Variants in HEG1 observed in about 807,000 individuals in gnomAD.
HEG1 encodes heart development protein with EGF like domains 1.
A neutral mutation model predicts 125.6 loss-of-function variants in HEG1; 56 were observed. The ratio of observed to expected loss-of-function variants is 0.45; its 90% confidence interval spans 0.36 to 0.56. HEG1 has a LOEUF of 0.56. Among genes scored for constraint, HEG1 ranks in the 20% least tolerant of loss-of-function variants. The probability of loss-of-function intolerance (pLI) is 0.00; values close to 1 mark genes in which losing one functional copy is unlikely to be tolerated. For synonymous variants in HEG1, 644 were observed against 668.5 expected (o/e 0.96, Z 0.57); for missense variants, 1,523 against 1,670.0 (o/e 0.91, Z 1.53).
rs1375078710 is a variant in HEG1 at position 124,968,368 on chromosome 3, CT to C, written c.*2283del. On this transcript the variant is annotated 3_prime_UTR_variant, in exon 17 of 17. Transcript: ENST00000311127. ...CCCACCCCCAAACGCCTCCTGGAAA[CT>C]GTGGAGACTGTGTGACCTCAACCTT... 2 of 152,404 alleles carry C rather than the reference CT, an allele frequency of 1.3e-5. No homozygotes were observed. The highest frequency in any genetic ancestry group is 4.8e-5 in the African/African-American group (2 of 41,446). 9.4% of individuals were successfully genotyped at this position (152,404 alleles called of 1,614,324 possible). A position where few individuals can be genotyped will look rare whatever the true frequency, so the allele number is the denominator to read the frequency against.
rs190323303 is a variant in HEG1 at position 124,970,057 on chromosome 3, A to G, written c.*595T>C. On this transcript the variant is annotated 3_prime_UTR_variant, in exon 17 of 17. Coordinates refer to ENST00000311127, the MANE Select transcript of HEG1 (RefSeq NM_020733.2). ...TGGGGGCTGGCTTGGAAACTGTAGC[A>G]TAAGACAACCTAGAAACATATGAAA... The G allele has an allele frequency of 6.6e-6, 1 of 152,514 alleles. No homozygotes were observed. The highest frequency in any genetic ancestry group is 1.9e-4 in the East Asian group (1 of 5,190). The allele number at this position is 152,514 out of a possible 1,614,324, so 9.4% of individuals were successfully genotyped here.
chr3:124,973,818 G>A lies in HEG1; in HGVS notation c.3909C>T (p.Arg1303=). The A allele has an allele frequency of 1.9e-6, 3 of 1,613,678 alleles. No individual in the cohort carries two copies. The East Asian group carries it at 6.7e-5, about 36-fold the overall frequency. Residue 1303 remains arginine, a synonymous_variant, in exon 16 of 17, where the codon CGC becomes CGT. Transcript: ENST00000311127. The part of the protein sequence containing the change: ...SPYAEYPKNP[R]SQEWGREAIE... ...TAGCTTCTCGGCCCCATTCTTGTGAGCGAGGATTTTTGGGGTATTCAGCAT... is the reference window on the plus strand; with the variant it reads ...TAGCTTCTCGGCCCCATTCTTGTGAACGAGGATTTTTGGGGTATTCAGCAT...
chr3:125,006,922 G>A (rs749575050), intron 8 of HEG1, among the ~76,000 whole-genome samples: 7 of 152,100 alleles, frequency 4.6e-5, no homozygotes, highest in African/African-American at 4.8e-5. Flanking sequence ...ATCGCAGGCC[G>A]GGCGCGGTGG....
In HEG1 at chr3:125,013,372, GTTT is replaced by G; in HGVS notation, c.2204_2206del (p.Gln735_Thr736delinsPro). The G allele has an allele frequency of 6.2e-7, 1 of 1,614,010 alleles. No homozygotes were observed. Among genetic ancestry groups the G allele is most frequent in the South Asian group, 1.1e-5 (1 of 91,086 alleles). ...GGTAGAAGATGACTGTGGCAAGGTTGTTTGTGAGACAGAAAGTGGGGCAGATGT... is the reference window on the plus strand; with the variant it reads ...GGTAGAAGATGACTGTGGCAAGGTTGGTGAGACAGAAAGTGGGGCAGATGT... On this transcript the variant is annotated inframe_deletion, in exon 6 of 17. Transcript: ENST00000311127.
At chr3:125,028,579 T>C (rs1418446911) in intron 2 of HEG1, among the ~76,000 whole-genome samples, 1 of 152,072 alleles carries the variant, frequency 6.6e-6, no homozygotes, top group African/African-American at 2.4e-5. Flanking sequence ...CTGTTAACTG[T>C]TTGACCTACA....
intron 8 of HEG1, among the ~76,000 whole-genome samples, chr3:125,009,163 G>A (rs1273635118): frequency 6.6e-6 from 1 of 152,228 alleles, no homozygotes; most frequent in Admixed American, 6.5e-5. Context: ...AGTTAGGACA[G>A]CAGCTTTCTC....
intron 1 of HEG1, among the ~76,000 whole-genome samples, chr3:125,041,029 C>A (rs1473726843): frequency 6.6e-6 from 1 of 152,144 alleles, no homozygotes; most frequent in East Asian, 1.9e-4. Context: ...AGTCACCTGC[C>A]CAGGTTAACC....
At chr3:124,978,043 C>T (rs1936577639) in intron 14 of HEG1, 97 bp from the exon 15 acceptor site, 2 of 896,692 alleles carry the variant, frequency 2.2e-6, no homozygotes, top group Admixed American at 4.3e-5. Context: ...CAGTCACCAC[C>T]CTGCCTTGAG....
chr3:125,000,309 A>G (rs774164118), intron 11 of HEG1, among the ~76,000 whole-genome samples: 12 of 152,182 alleles, frequency 7.9e-5, no homozygotes, highest in African/African-American at 2.7e-4. Flanking sequence ...TTCAAATCCA[A>G]ATGGCTGGCA....
intron 1 of HEG1, among the ~76,000 whole-genome samples, chr3:125,045,942 T>C (rs1211061136): frequency 2.0e-5 from 3 of 152,174 alleles, no homozygotes; most frequent in African/African-American, 7.2e-5. Context: ...AACTAAAACA[T>C]TGCTCTGTCC....
rs952839024 is a variant in HEG1, at chr3:124,970,316, G to C, written c.*336C>G. On this transcript the variant is annotated 3_prime_UTR_variant, in exon 17 of 17. Coordinates refer to ENST00000311127, the MANE Select transcript of HEG1 (RefSeq NM_020733.2). Reference sequence around the variant, plus strand: ...CCACCCAATTTACTAAAGTGCAAACGAAGGGAAAACCAGGTCCCTGCACTG... The same window carrying C: ...CCACCCAATTTACTAAAGTGCAAACCAAGGGAAAACCAGGTCCCTGCACTG... 5 of 206,092 alleles carry C rather than the reference G, an allele frequency of 2.4e-5. No individual in the cohort carries two copies. Among genetic ancestry groups the C allele is most frequent in the African/African-American group, 4.6e-5 (2 of 43,538 alleles). 12.8% of individuals were successfully genotyped at this position (206,092 alleles called of 1,614,324 possible).
In HEG1 at chr3:125,042,047, T is replaced by G. The variant is rs57596497; in HGVS notation, c.317-12559A>C. Among the ~76,000 whole-genome samples, 41 of 152,376 alleles carry G rather than the reference T, an allele frequency of 2.7e-4. 1 individual carries two copies. The East Asian group carries it at 7.9e-3, about 29-fold the overall frequency. ...ACGATGATTGCAACAACATTGTGAT[T>G]GTACTCAATGCCACTGAACTGTATA... On this transcript the variant is annotated intron_variant, in intron 1 of 16. Transcript: ENST00000311127.
At chr3:124,991,022 T>C (rs1936824657) in intron 12 of HEG1, 36 bp from the exon 13 acceptor site, 2 of 1,516,882 alleles carry the variant, frequency 1.3e-6, no homozygotes, top group East Asian at 2.4e-5. Context: ...AGTGTGTCTA[T>C]TTACCTCTCC....
chr3:124,968,355 C>CG lies in HEG1; in HGVS notation c.*2296dup, dbSNP rs1270324150. The CG allele has an allele frequency of 6.6e-6, 1 of 152,344 alleles. No individual in the cohort carries two copies. Among genetic ancestry groups the CG allele is most frequent in the Non-Finnish European group, 1.5e-5 (1 of 68,176 alleles). The allele number at this position is 152,344 out of a possible 1,614,324, so 9.4% of individuals were successfully genotyped here. ...TGGAGGTGCCTTCCCCACCCCCAAACGCCTCCTGGAAACTGTGGAGACTGT... is the reference window on the plus strand; with the variant it reads ...TGGAGGTGCCTTCCCCACCCCCAAACGGCCTCCTGGAAACTGTGGAGACTGT... On this transcript the variant is annotated 3_prime_UTR_variant, in exon 17 of 17. Transcript: ENST00000311127.
chr3:125,030,392 T>A (rs374137270), intron 1 of HEG1, among the ~76,000 whole-genome samples: 1 of 152,212 alleles, frequency 6.6e-6, no homozygotes, highest in Non-Finnish European at 1.5e-5. Flanking sequence ...TTTAGCTGCA[T>A]AGATGTTCAT....
intron 1 of HEG1, among the ~76,000 whole-genome samples, chr3:125,046,147 C>T (rs1338244961): frequency 6.6e-6 from 1 of 152,028 alleles, no homozygotes; most frequent in East Asian, 1.9e-4. Flanking sequence ...GCCAGAGCTC[C>T]ACGGCATCTC....
chr3:124,987,532 T>C (rs1936756902), intron 14 of HEG1, among the ~76,000 whole-genome samples: 2 of 150,498 alleles, frequency 1.3e-5, no homozygotes, highest in Admixed American at 1.3e-4. Context: ...TCTTTTTTTT[T>C]TTTTTTTTGA....
intron 16 of HEG1, chr3:124,971,263 G>A (rs942894770): frequency 8.6e-5 from 37 of 429,778 alleles, no homozygotes; most frequent in Non-Finnish European, 1.7e-4. Flanking sequence ...TTGCAGGAGA[G>A]CCCAATGTGG....
At chr3:125,015,531 T>C (rs1937232264) in intron 5 of HEG1, among the ~76,000 whole-genome samples, 1 of 152,142 alleles carries the variant, frequency 6.6e-6, no homozygotes, top group South Asian at 2.1e-4. Flanking sequence ...GGGTGAAAGG[T>C]GGGCTTGTTT....
Sources: allele counts gnomAD v4.1 joint callset (sites outside exome capture counted in the v4.1 genomes callset), GRCh38; gene constraint gnomAD v4.1.1; transcripts MANE v1.5; gene names NCBI Gene and HGNC (gene_info 2026-07-23, HGNC 2026-07-21).